Variants in SKAP1 observed in about 807,000 individuals in gnomAD.
SKAP1 encodes the protein src kinase-associated phosphoprotein 1.
In SKAP1, 44 loss-of-function variants were observed where a neutral mutation model predicts 58.5. That is an observed-to-expected ratio of 0.75 (90% CI 0.59 to 0.97). SKAP1 has a LOEUF of 0.97. Among genes scored for constraint, SKAP1 ranks in the 50% least tolerant of loss-of-function variants. The pLI, the probability that SKAP1 is intolerant of heterozygous loss-of-function variation, is 0.00. For missense variants in SKAP1, 390 were observed against 435.2 expected, an observed-to-expected ratio of 0.90 and a Z score of 0.92; for synonymous variants, 127 against 149.7, an observed-to-expected ratio of 0.85 and a Z score of 1.11.
intron 4 of SKAP1, among the ~76,000 whole-genome samples, chr17:48,228,855 C>A (rs958757701): frequency 6.6e-6 from 1 of 152,116 alleles, no homozygotes; most frequent in Non-Finnish European, 1.5e-5. Flanking sequence ...CAGAGCTGGG[C>A]TAAAGGAGCT....
intron 1 of SKAP1, among the ~76,000 whole-genome samples, chr17:48,401,645 A>G (rs529863196): frequency 6.6e-6 from 1 of 152,316 alleles, no homozygotes; most frequent in East Asian, 1.9e-4. Context: ...AGACCTAAAT[A>G]TAAGAGCTAA....
intron 4 of SKAP1, among the ~76,000 whole-genome samples, chr17:48,233,455 G>A (rs2143790740): frequency 6.6e-6 from 1 of 152,122 alleles, no homozygotes; most frequent in Admixed American, 6.5e-5. Flanking sequence ...TAGAAAGAAG[G>A]GGACAAATTC....
chr17:48,159,114 CAGAT>C (rs1230392116), intron 11 of SKAP1, among the ~76,000 whole-genome samples: 8 of 152,236 alleles, frequency 5.3e-5, no homozygotes, highest in African/African-American at 1.4e-4. Flanking sequence ...ATACTTTTAT[CAGAT>C]AGAGAGAGAG....
chr17:48,344,692 A>G (rs913171793), intron 4 of SKAP1, among the ~76,000 whole-genome samples: 8 of 152,208 alleles, frequency 5.3e-5, no homozygotes, highest in African/African-American at 1.7e-4. Flanking sequence ...CAATACACAG[A>G]TCCTATATTA....
intron 3 of SKAP1, among the ~76,000 whole-genome samples, chr17:48,349,882 C>G (rs1383531027): frequency 6.6e-6 from 1 of 152,282 alleles, no homozygotes; most frequent in Middle Eastern, 3.4e-3. Context: ...TTTTCATTAA[C>G]AGTTAATGAG....
rs548828195 is a variant in SKAP1, at chr17:48,158,699, G to A, written c.978+3770C>T. On this transcript the variant is annotated intron_variant, in intron 11 of 12. Transcript: ENST00000336915. ...GCAGAGGCCGGGCGCAGTGGCTCAC[G>A]CCTGTAATCCCAGCATTTTGGGAGG... Among the ~76,000 whole-genome samples, 146 of 151,818 alleles carry A rather than the reference G, an allele frequency of 9.6e-4. 2 individuals are homozygous for A. The highest frequency in any genetic ancestry group is 6.7e-3 in the South Asian group (32 of 4,810).
intron 7 of SKAP1, among the ~76,000 whole-genome samples, 174 bp downstream of exon 7, chr17:48,184,549 G>A (rs2064418363): frequency 6.6e-6 from 1 of 152,182 alleles, no homozygotes; most frequent in Non-Finnish European, 1.5e-5. Context: ...GCAACAGAGG[G>A]GAGGGTGTGG....
intron 1 of SKAP1, among the ~76,000 whole-genome samples, chr17:48,423,126 A>G (rs2067816004): frequency 6.6e-6 from 1 of 152,192 alleles, no homozygotes; most frequent in Admixed American, 6.5e-5. Flanking sequence ...ATGCTATTGA[A>G]CAACAACAAC....
chr17:48,294,695 T>C (rs1222844362), intron 4 of SKAP1, among the ~76,000 whole-genome samples: 1 of 152,200 alleles, frequency 6.6e-6, no homozygotes, highest in African/African-American at 2.4e-5. Flanking sequence ...CCCTACATAG[T>C]ACATGACCTA....
intron 12 of SKAP1, chr17:48,136,959 G>C: frequency 3.4e-6 from 1 of 296,634 alleles, no homozygotes; most frequent in Non-Finnish European, 6.5e-6. Flanking sequence ...GTGAGCCACT[G>C]TGCCTGGCTT....
chr17:48,142,985 T>A (rs2063786588), intron 11 of SKAP1, among the ~76,000 whole-genome samples: 2 of 150,504 alleles, frequency 1.3e-5, no homozygotes, highest in Admixed American at 6.6e-5. Context: ...AAAAAACTTT[T>A]TTTTTTTTTT....
intron 2 of SKAP1, among the ~76,000 whole-genome samples, chr17:48,387,702 T>C (rs1362668647): frequency 1.3e-5 from 2 of 152,242 alleles, no homozygotes; most frequent in Non-Finnish European, 2.9e-5. Context: ...TCTGTCATTT[T>C]TAATACCATA....
intron 2 of SKAP1, among the ~76,000 whole-genome samples, chr17:48,394,232 AAAAC>A (rs775467452): frequency 2.6e-5 from 4 of 152,216 alleles, no homozygotes; most frequent in Admixed American, 6.5e-5. Flanking sequence ...AAAAAAGCGA[AAAAC>A]AAACAAACAA....
At chr17:48,236,302 A>G (rs905552254) in intron 4 of SKAP1, among the ~76,000 whole-genome samples, 5 of 152,182 alleles carry the variant, frequency 3.3e-5, no homozygotes, top group Admixed American at 3.3e-4. Context: ...GTAAACAAAT[A>G]ACTATAATGC....
chr17:48,346,914 A>G (rs373715971), intron 3 of SKAP1, among the ~76,000 whole-genome samples: 6 of 152,210 alleles, frequency 3.9e-5, no homozygotes, highest in East Asian at 3.9e-4. Flanking sequence ...ACCTCTTAGG[A>G]ATTCTAAAAG....
At chr17:48,442,479 C>T in the SKAP1 span, among the ~76,000 whole-genome samples, 1 of 152,122 alleles carries the variant, frequency 6.6e-6, no homozygotes, top group South Asian at 2.1e-4. Context: ...TTAGTTCCAT[C>T]CTGCCTGGGA....
At chr17:48,139,246 A>G (rs941816559) in intron 11 of SKAP1, among the ~76,000 whole-genome samples, 2 of 148,948 alleles carry the variant, frequency 1.3e-5, no homozygotes, top group Non-Finnish European at 1.5e-5. Flanking sequence ...CAGTGGTGAG[A>G]TCTCAGCTCA....
intron 4 of SKAP1, among the ~76,000 whole-genome samples, chr17:48,251,020 T>G (rs1357937229): frequency 6.6e-6 from 1 of 152,202 alleles, no homozygotes; most frequent in Non-Finnish European, 1.5e-5. Context: ...AAATGAGAGC[T>G]TTGAGTTCTC....
intron 11 of SKAP1, among the ~76,000 whole-genome samples, chr17:48,143,848 C>G (rs952355140): frequency 2.6e-5 from 4 of 152,212 alleles, no homozygotes; most frequent in Non-Finnish European, 1.5e-5. Flanking sequence ...ACGCTCCTAA[C>G]TTTGACTAAC....
Sources: gnomAD v4.1 joint callset for allele counts (sites outside exome capture counted in the v4.1 genomes callset) on GRCh38, gnomAD v4.1.1 for gene constraint, MANE v1.5 for transcripts, NCBI Gene and HGNC (gene_info 2026-07-23, HGNC 2026-07-21) for gene names.